Variants in ANKRD55 observed in about 807,000 individuals in gnomAD.
The protein encoded by ANKRD55 is ankyrin repeat domain 55, also known as ankyrin repeat domain-containing protein 55.
ANKRD55 carries 41 observed loss-of-function variants against 60.6 expected under a neutral mutation model. The ratio of observed to expected loss-of-function variants is 0.68; its 90% CI spans 0.53 to 0.88. ANKRD55 has a LOEUF of 0.88. Among genes scored for constraint, ANKRD55 ranks in the 40% least tolerant of loss-of-function variants. The probability of loss-of-function intolerance (pLI) is 0.00; values close to 1 mark genes in which losing one functional copy is unlikely to be tolerated. For synonymous variants in ANKRD55, 264 were observed against 290.3 expected, an observed-to-expected ratio of 0.91 and a Z score of 0.92; for missense variants, 732 against 767.6, an observed-to-expected ratio of 0.95 and a Z score of 0.55.
intron 2 of ANKRD55, among the ~76,000 whole-genome samples, chr5:56,198,392 TCTC>T (rs1376527865): frequency 1.3e-5 from 2 of 152,036 alleles, no homozygotes; most frequent in African/African-American, 2.4e-5. Flanking sequence ...TTCAAGCAAT[TCTC>T]CTTCCTCAGC....
chr5:56,174,983 G>A (rs763900717), intron 4 of ANKRD55, among the ~76,000 whole-genome samples: 1 of 152,154 alleles, frequency 6.6e-6, no homozygotes, highest in Non-Finnish European at 1.5e-5. Context: ...ATGTGAATAA[G>A]TTCTGATAAC....
At position 56,134,933 on chromosome 5, in the gene ANKRD55, G is replaced by T. The variant is rs79511508; in HGVS notation, c.613-7827C>A. On this transcript the variant is annotated intron_variant, in intron 7 of 11. Coordinates refer to ENST00000341048, the MANE Select transcript of ANKRD55 (RefSeq NM_024669.3). ...AATAGGATTTATCCAAGGTATGCAAGTGTAGCTCAACATTTTCAAATCAAT... is the reference window on the plus strand; with the variant it reads ...AATAGGATTTATCCAAGGTATGCAATTGTAGCTCAACATTTTCAAATCAAT... 7.4e-3 allele frequency among the ~76,000 whole-genome samples: 1,126 copies of T among 152,288 alleles called. 13 individuals are homozygous for T. Among genetic ancestry groups the T allele is most frequent in the African/African-American group, 0.026 (1,085 of 41,556 alleles).
At chr5:56,154,624 G>A (rs961836574) in intron 6 of ANKRD55, among the ~76,000 whole-genome samples, 3 of 119,970 alleles carry the variant, frequency 2.5e-5, no homozygotes, top group African/African-American at 9.7e-5. Flanking sequence ...TTGCTCTGTT[G>A]CCTAGGCTGG....
chr5:56,112,395 G>A (rs375398551), intron 9 of ANKRD55, among the ~76,000 whole-genome samples: 7 of 151,308 alleles, frequency 4.6e-5, no homozygotes, highest in Admixed American at 6.6e-5. Flanking sequence ...GAACAGGTAC[G>A]GTGGCTAATG....
At chr5:56,199,602 T>C in intron 2 of ANKRD55, among the ~76,000 whole-genome samples, 1 of 149,902 alleles carries the variant, frequency 6.7e-6, no homozygotes, top group African/African-American at 2.5e-5. Context: ...AAAAAAAACT[T>C]GGGTGTGGCT....
intron 2 of ANKRD55, among the ~76,000 whole-genome samples, chr5:56,189,058 AGTGACTG>A (rs1371909724): frequency 2.6e-5 from 4 of 152,152 alleles, no homozygotes; most frequent in Non-Finnish European, 4.4e-5. Flanking sequence ...TTCAGAGGTG[AGTGACTG>A]GAGGTATGAA....
At chr5:56,135,664 C>A (rs556121549) in intron 7 of ANKRD55, among the ~76,000 whole-genome samples, 7 of 152,208 alleles carry the variant, frequency 4.6e-5, no homozygotes, top group African/African-American at 1.7e-4. Context: ...CCACTGTACC[C>A]GGTTCCACCA....
At chr5:56,106,169 T>C (rs1756459512) in intron 10 of ANKRD55, among the ~76,000 whole-genome samples, 1 of 152,194 alleles carries the variant, frequency 6.6e-6, no homozygotes, top group Non-Finnish European at 1.5e-5. Flanking sequence ...TAACTCATAT[T>C]ATTTCTACCA....
intron 6 of ANKRD55, among the ~76,000 whole-genome samples, chr5:56,158,433 C>T (rs950946246): frequency 1.3e-5 from 2 of 152,128 alleles, no homozygotes; most frequent in Non-Finnish European, 2.9e-5. Flanking sequence ...AGGAAATCAG[C>T]CTGGCTAAGG....
chr5:56,148,043 C>T (rs940220421), intron 6 of ANKRD55, among the ~76,000 whole-genome samples: 1 of 152,220 alleles, frequency 6.6e-6, no homozygotes, highest in Non-Finnish European at 1.5e-5. Flanking sequence ...CACATAAAGG[C>T]AGATGCTGTG....
chr5:56,115,924 G>T (rs568700568), intron 9 of ANKRD55, among the ~76,000 whole-genome samples: 2 of 151,674 alleles, frequency 1.3e-5, no homozygotes, highest in African/African-American at 4.9e-5. Context: ...GAGTGATCTC[G>T]GGTCACTGCA....
intron 6 of ANKRD55, among the ~76,000 whole-genome samples, chr5:56,151,488 C>G (rs183489870): frequency 3.3e-5 from 5 of 152,228 alleles, no homozygotes; most frequent in African/African-American, 1.2e-4. Flanking sequence ...TTAATTCTTT[C>G]TTTCTCCCTA....
Position 56,111,372 on chromosome 5 carries a change from A to T in ANKRD55, c.1376T>A (p.Leu459Gln). Residue 459 changes from leucine (L) to glutamine (Q), a missense_variant, in exon 10 of 12, where the codon CTG becomes CAG. Leu to Gln is a moderately radical substitution (Grantham distance 113). Coordinates refer to ENST00000341048, the MANE Select transcript of ANKRD55 (RefSeq NM_024669.3). ...GGCCATATGATGAGGAGCAGAGCTC[A>T]GGCCTGCATGGGAAGTGGCCCTATG... ...ASHRATSHAG[L>Q]SSAPHHMAQR... The T allele has an allele frequency of 6.2e-7, 1 of 1,614,178 alleles. No individual in the cohort carries two copies. The highest frequency in any genetic ancestry group is 2.2e-5 in the East Asian group (1 of 44,886).
At chr5:56,175,019 T>C (rs1308265753) in intron 4 of ANKRD55, among the ~76,000 whole-genome samples, 2 of 152,074 alleles carry the variant, frequency 1.3e-5, no homozygotes, top group African/African-American at 2.4e-5. Flanking sequence ...CAGCCTGGCA[T>C]TTGCATTTGA....
chr5:56,206,322 T>G (rs1759508432), intron 2 of ANKRD55, among the ~76,000 whole-genome samples: 1 of 152,174 alleles, frequency 6.6e-6, no homozygotes, highest in African/African-American at 2.4e-5. Context: ...CCTTAAAAAT[T>G]TTACTGACCC....
Position 56,116,743 on chromosome 5 carries a change from T to G in ANKRD55, c.837A>C (p.Glu279Asp). 6.2e-7 allele frequency: 1 copy of G among 1,613,554 alleles called. No homozygotes were observed. Among genetic ancestry groups the G allele is most frequent in the Non-Finnish European group, 8.5e-7 (1 of 1,179,766 alleles). Reference protein sequence around the residue: ...LHWAAAAGKAECVQSLLELGM... With the variant: ...LHWAAAAGKADCVQSLLELGM... ...CCAACTCCAGCAGTGACTGGACACA[T>G]TCGGCCTTCCCTGCAGCTGCAGCCC... The change falls in exon 9 of 12, where the codon GAA (glutamate) becomes GAC (aspartate). Residue 279 changes from glutamate (E) to aspartate (D), a missense_variant. Transcript: ENST00000341048.
intron 8 of ANKRD55, among the ~76,000 whole-genome samples, chr5:56,120,625 CAT>C (rs1451409972): frequency 6.6e-6 from 1 of 152,104 alleles, no homozygotes; most frequent in Non-Finnish European, 1.5e-5. Flanking sequence ...GACAGCTGGG[CAT>C]GGTGGCTCAC....
intron 6 of ANKRD55, among the ~76,000 whole-genome samples, chr5:56,156,760 C>T (rs1758203715): frequency 6.6e-6 from 1 of 152,172 alleles, no homozygotes; most frequent in African/African-American, 2.4e-5. Context: ...CTCTGGTTCT[C>T]ATCTTTAAAG....
At chr5:56,193,224 G>A (rs778271877) in intron 2 of ANKRD55, 17 of 959,942 alleles carry the variant, frequency 1.8e-5, no homozygotes, top group Non-Finnish European at 2.3e-5. Context: ...ATTTCTTGAT[G>A]CATTTAAAAC....
Sources: allele counts gnomAD v4.1 joint callset (sites outside exome capture counted in the v4.1 genomes callset), GRCh38; gene constraint gnomAD v4.1.1; transcripts MANE v1.5; gene names NCBI Gene and HGNC (gene_info 2026-07-23, HGNC 2026-07-21).